Variants in ATF7 observed in about 807,000 individuals in gnomAD.
The protein encoded by ATF7 is activating transcription factor 7, also known as cyclic AMP-dependent transcription factor ATF-7.
In ATF7, 10 loss-of-function variants were observed where a neutral mutation model predicts 50.4. The observed-to-expected ratio is 0.20, with a 90% CI of 0.12 to 0.34. ATF7 has a LOEUF of 0.34. Among genes scored for constraint, ATF7 ranks in the 10% least tolerant of loss-of-function variants. The pLI is 1.00. For synonymous variants in ATF7, 201 were observed against 226.4 expected, an observed-to-expected ratio of 0.89 and a Z score of 1.01; for missense variants, 465 against 613.9, an observed-to-expected ratio of 0.76 and a Z score of 2.56.
chr12:53,610,759 G>A (rs1943835334), intron 1 of ATF7, among the ~76,000 whole-genome samples: 1 of 152,090 alleles, frequency 6.6e-6, no homozygotes, highest in South Asian at 2.1e-4. Context: ...ATGAATTTGA[G>A]GGGCTACATG....
chr12:53,613,617 C>T (rs1295443395), intron 1 of ATF7, among the ~76,000 whole-genome samples: 1 of 151,952 alleles, frequency 6.6e-6, no homozygotes, highest in African/African-American at 2.4e-5. Context: ...GTCTCCCTGG[C>T]TCAAGTGATC....
chr12:53,537,498 T>G lies in ATF7; in HGVS notation c.319A>C (p.Lys107Gln), dbSNP rs1939291540. 1.2e-6 allele frequency: 2 copies of G among 1,613,578 alleles called. No individual in the cohort carries two copies. Among genetic ancestry groups the G allele is most frequent in the Non-Finnish European group, 1.7e-6 (2 of 1,179,870 alleles). ...TCTACCTCCACTGGCTCTTCTTCTT[T>G]GATTTTGATGTCTGGTGTGGAAGGC... ...SLPSTPDIKI[K>Q]EEEPVEVDSS... Residue 107 changes from lysine (K) to glutamine (Q), a missense_variant, in exon 5 of 12, where the codon AAA becomes CAA. Coordinates refer to ENST00000420353, the MANE Select transcript of ATF7 (RefSeq NM_006856.3).
chr12:53,579,741 G>A (rs1347288465), intron 2 of ATF7, among the ~76,000 whole-genome samples: 1 of 152,100 alleles, frequency 6.6e-6, no homozygotes, highest in Non-Finnish European at 1.5e-5. Context: ...GAAAGGTCCT[G>A]TCCTGAGGAA....
intron 9 of ATF7, among the ~76,000 whole-genome samples, chr12:53,527,734 C>T (rs1938559657): frequency 6.6e-6 from 1 of 151,844 alleles, no homozygotes; most frequent in Non-Finnish European, 1.5e-5. Context: ...AAGATCACAC[C>T]ACTGCACTCC....
At chr12:53,529,081 A>T (rs1300419153) in intron 9 of ATF7, among the ~76,000 whole-genome samples, 1 of 152,088 alleles carries the variant, frequency 6.6e-6, no homozygotes, top group Non-Finnish European at 1.5e-5. Flanking sequence ...CTCTTTTAAA[A>T]TTATATATAT....
intron 11 of ATF7, among the ~76,000 whole-genome samples, chr12:53,517,761 C>T (rs533590118): frequency 9.8e-5 from 15 of 152,292 alleles, no homozygotes; most frequent in African/African-American, 3.4e-4. Context: ...GCATGAGCCA[C>T]TGCGCCTGGC....
chr12:53,593,354 A>G (rs1440760229), intron 2 of ATF7, among the ~76,000 whole-genome samples: 1 of 152,108 alleles, frequency 6.6e-6, no homozygotes, highest in Non-Finnish European at 1.5e-5. Flanking sequence ...TGATTGCACC[A>G]CTGTACTCCA....
chr12:53,599,749 T>C (rs960597233), intron 2 of ATF7, among the ~76,000 whole-genome samples: 60 of 152,312 alleles, frequency 3.9e-4, no homozygotes, highest in African/African-American at 1.3e-3. Context: ...ATATAACTAG[T>C]GTGTAATCTC....
chr12:53,553,346 A>G (rs1300848399), intron 2 of ATF7, among the ~76,000 whole-genome samples: 2 of 152,182 alleles, frequency 1.3e-5, no homozygotes, highest in East Asian at 3.9e-4. Context: ...TGATGACTAT[A>G]TAATGGTAGA....
Position 53,610,220 on chromosome 12 carries a change from G to C in ATF7, c.-21-9199C>G, listed in dbSNP as rs543719975. 2.0e-5 allele frequency among the ~76,000 whole-genome samples: 3 copies of C among 152,150 alleles called. No homozygotes were observed. In the East Asian group the frequency reaches 5.8e-4, roughly 29 times the overall value. ...ATATATATAGACAAAAAAGGTCAAGGGGTTAAGGTCAGTCTGATCCTAGTT... is the reference window on the plus strand; with the variant it reads ...ATATATATAGACAAAAAAGGTCAAGCGGTTAAGGTCAGTCTGATCCTAGTT... On this transcript the variant is annotated intron_variant, in intron 1 of 11. Transcript: ENST00000420353.
chr12:53,603,757 A>G (rs1317807262), intron 1 of ATF7, among the ~76,000 whole-genome samples: 4 of 151,904 alleles, frequency 2.6e-5, no homozygotes, highest in African/African-American at 9.7e-5. Flanking sequence ...CCTTTTTTAA[A>G]AAAATTTCTC....
In ATF7 at chr12:53,617,945, A is replaced by G. The variant is rs181969679; in HGVS notation, c.-22+8334T>C. The stretch of plus-strand genomic sequence containing the variant: ...GACAAACAAGAGAAAGGAAGGAAAC[A>G]AAATACTATGATTTAACAGGAACAA... On this transcript the variant is annotated intron_variant, in intron 1 of 11. Coordinates refer to ENST00000420353, the MANE Select transcript of ATF7 (RefSeq NM_006856.3). 5.8e-3 allele frequency among the ~76,000 whole-genome samples: 884 copies of G among 152,292 alleles called. 5 individuals are homozygous for G. The highest frequency in any genetic ancestry group is 8.5e-3 in the Non-Finnish European group (580 of 68,022).
chr12:53,615,434 T>C (rs1944082037), intron 1 of ATF7, among the ~76,000 whole-genome samples: 1 of 152,028 alleles, frequency 6.6e-6, no homozygotes, highest in South Asian at 2.1e-4. Flanking sequence ...AGGAGTCATG[T>C]TGGTACCAGA....
intron 10 of ATF7, among the ~76,000 whole-genome samples, chr12:53,523,598 A>G (rs1938252656): frequency 6.6e-6 from 1 of 152,212 alleles, no homozygotes; most frequent in African/African-American, 2.4e-5. Flanking sequence ...GTCAGGATTT[A>G]TAATAGAAAC....
At chr12:53,541,307 G>A (rs911123058) in intron 4 of ATF7, among the ~76,000 whole-genome samples, 5 of 152,124 alleles carry the variant, frequency 3.3e-5, no homozygotes, top group African/African-American at 1.2e-4. Context: ...ACTATACCAT[G>A]CAATTGTGAG....
intron 1 of ATF7, among the ~76,000 whole-genome samples, chr12:53,621,677 T>C (rs1944386832): frequency 6.7e-6 from 1 of 150,228 alleles, no homozygotes; most frequent in Non-Finnish European, 1.5e-5. Flanking sequence ...TAATCCCAAC[T>C]ACTCTGGTGG....
intron 1 of ATF7, among the ~76,000 whole-genome samples, chr12:53,624,008 C>T (rs369616624): frequency 5.5e-4 from 83 of 152,256 alleles, no homozygotes; most frequent in African/African-American, 1.9e-3. Flanking sequence ...AGTGTTATCA[C>T]TCTAGCTTTC....
rs1377210116 is a variant in ATF7 at position 53,513,600 on chromosome 12, AT to A, written c.*3536del. The A allele has an allele frequency of 2.0e-5, 3 of 152,238 alleles. No individual in the cohort carries two copies. Among genetic ancestry groups the A allele is most frequent in the South Asian group, 2.1e-4 (1 of 4,834 alleles). 9.4% of individuals were successfully genotyped at this position (152,238 alleles called of 1,614,324 possible). A position where few individuals can be genotyped will look rare whatever the true frequency, so the allele number is the denominator to read the frequency against. On this transcript the variant is annotated 3_prime_UTR_variant, in exon 12 of 12. Transcript: ENST00000420353. ...AGGCTGGTTATGAAATTTAAAAAAA[AT>A]AATGTATTTCCTTCCTGTGTATATA... is the stretch of plus-strand genomic sequence containing the variant.
intron 1 of ATF7, among the ~76,000 whole-genome samples, chr12:53,609,149 CT>C (rs1160330630): frequency 2.8e-5 from 4 of 144,972 alleles, no homozygotes; most frequent in Non-Finnish European, 6.0e-5. Context: ...TTTTCTTTCT[CT>C]TTTTTCCTTT....
Sources: allele counts gnomAD v4.1 joint callset (sites outside exome capture counted in the v4.1 genomes callset), GRCh38; gene constraint gnomAD v4.1.1; transcripts MANE v1.5; gene names NCBI Gene and HGNC (gene_info 2026-07-23, HGNC 2026-07-21).